CNBD1: variants seen among roughly 807,000 people sequenced by gnomAD.
CNBD1 encodes the protein cyclic nucleotide-binding domain-containing protein 1.
In CNBD1, 71 loss-of-function variants were observed where a neutral mutation model predicts 54.4. The observed-to-expected ratio is 1.30, with a 90% CI of 1.08 to 1.59. The LOEUF is 1.59. CNBD1 is among the 40% of genes most tolerant of loss of function. The pLI is 0.00. For synonymous variants in CNBD1, 182 were observed against 170.7 expected, an observed-to-expected ratio of 1.07 and a Z score of -0.51; for missense variants, 659 against 518.0, an observed-to-expected ratio of 1.27 and a Z score of -2.64.
At position 87,358,929 on chromosome 8, in the gene CNBD1, G is replaced by A. The variant is rs2130934711; in HGVS notation, c.1303+5143G>A. On this transcript the variant is annotated intron_variant, in intron 10 of 10. Transcript: ENST00000518476. Reference sequence around the variant, plus strand: ...TCCTCTGCCTTTTTAATCTATTCAGGCCCGCAATGGATTAGGTGTTATCTG... The same window carrying A: ...TCCTCTGCCTTTTTAATCTATTCAGACCCGCAATGGATTAGGTGTTATCTG... Among the ~76,000 whole-genome samples, 2 of 152,224 alleles carry A rather than the reference G, an allele frequency of 1.3e-5. 1 individual carries two copies. The highest frequency in any genetic ancestry group is 3.9e-4 in the East Asian group (2 of 5,170).
At chr8:87,157,398 G>C (rs1812763311) in intron 4 of CNBD1, among the ~76,000 whole-genome samples, 1 of 152,168 alleles carries the variant, frequency 6.6e-6, no homozygotes, top group Non-Finnish European at 1.5e-5. Flanking sequence ...ATGTAGAATT[G>C]CAGAATGCAG....
chr8:87,219,850 C>T (rs1814290929), intron 5 of CNBD1, among the ~76,000 whole-genome samples: 1 of 151,844 alleles, frequency 6.6e-6, no homozygotes. Context: ...ATTTTGGGTA[C>T]CCTTCACATA....
At chr8:87,374,400 A>T (rs1276370406) in intron 10 of CNBD1, among the ~76,000 whole-genome samples, 1 of 151,888 alleles carries the variant, frequency 6.6e-6, no homozygotes, top group East Asian at 1.9e-4. Flanking sequence ...AATGATAAAA[A>T]ATACCACATT....
intron 10 of CNBD1, among the ~76,000 whole-genome samples, chr8:87,377,743 G>A (rs1438674613): frequency 1.4e-5 from 2 of 140,612 alleles, no homozygotes; most frequent in Non-Finnish European, 3.1e-5. Flanking sequence ...CTTCCACAAT[G>A]GTTGAACTAG....
intron 4 of CNBD1, among the ~76,000 whole-genome samples, chr8:87,042,050 A>G (rs1424685707): frequency 6.6e-6 from 1 of 152,190 alleles, no homozygotes; most frequent in Admixed American, 6.5e-5. Flanking sequence ...GTGGGTGGAG[A>G]GGATTTGCTA....
intron 2 of CNBD1, among the ~76,000 whole-genome samples, chr8:87,399,585 A>G (rs988504439): frequency 6.6e-6 from 1 of 152,058 alleles, no homozygotes; most frequent in Non-Finnish European, 1.5e-5. Context: ...TAATGCCAAA[A>G]GTTCAATCAA....
At chr8:87,368,157 A>G (rs1395035841) in intron 10 of CNBD1, among the ~76,000 whole-genome samples, 1 of 135,464 alleles carries the variant, frequency 7.4e-6, no homozygotes, top group East Asian at 2.0e-4. Flanking sequence ...GCGAGATTCC[A>G]TCTAAAAAGA....
chr8:87,015,644 A>G (rs903146365), intron 4 of CNBD1, among the ~76,000 whole-genome samples: 3 of 151,504 alleles, frequency 2.0e-5, no homozygotes, highest in South Asian at 2.1e-4. Flanking sequence ...TGTAACTTTT[A>G]CTAATCTAAG....
At chr8:87,013,260 A>G (rs1393781679) in intron 4 of CNBD1, among the ~76,000 whole-genome samples, 1 of 152,206 alleles carries the variant, frequency 6.6e-6, no homozygotes, top group Non-Finnish European at 1.5e-5. Context: ...TTGTTGTTAA[A>G]GGATCCTAAT....
chr8:86,951,872 G>A (rs1487670480), intron 4 of CNBD1, among the ~76,000 whole-genome samples: 1 of 151,814 alleles, frequency 6.6e-6, no homozygotes, highest in African/African-American at 2.4e-5. Context: ...AAGTACTTAG[G>A]GCAAACCTGC....
chr8:87,090,085 T>C (rs920676085), intron 4 of CNBD1, among the ~76,000 whole-genome samples: 9 of 152,200 alleles, frequency 5.9e-5, no homozygotes, highest in African/African-American at 2.2e-4. Context: ...GTAATGTTTC[T>C]ATTTCACTTA....
At chr8:87,353,834 G>T in intron 10 of CNBD1, 48 bp downstream of exon 10, 1 of 1,455,368 alleles carries the variant, frequency 6.9e-7, no homozygotes. Flanking sequence ...TATTGGATGA[G>T]TTCTTAAATT....
chr8:87,327,612 C>G (rs1809709889), intron 8 of CNBD1, among the ~76,000 whole-genome samples: 1 of 152,224 alleles, frequency 6.6e-6, no homozygotes, highest in South Asian at 2.1e-4. Flanking sequence ...AGGGAACTCC[C>G]TGACCCCTTG....
chr8:86,894,103 G>A (rs1187067615), intron 2 of CNBD1, among the ~76,000 whole-genome samples: 6 of 113,640 alleles, frequency 5.3e-5, no homozygotes, highest in South Asian at 3.2e-4. Flanking sequence ...CGCCCAGGCC[G>A]GACTGCGGAC....
At chr8:86,956,227 A>C (rs376687228) in intron 4 of CNBD1, among the ~76,000 whole-genome samples, 5,546 of 152,184 alleles carry the variant, frequency 0.036, 120 homozygotes, top group Non-Finnish European at 0.044. Context: ...TGTTTTGGTT[A>C]CTGTAGCCTT....
chr8:87,102,138 C>T (rs915785685), intron 4 of CNBD1, among the ~76,000 whole-genome samples: 2 of 152,016 alleles, frequency 1.3e-5, no homozygotes, highest in Admixed American at 6.6e-5. Flanking sequence ...CTGCCCGCCT[C>T]GGCCTCCCAA....
intron 8 of CNBD1, among the ~76,000 whole-genome samples, chr8:87,339,428 T>C (rs1810019929): frequency 6.6e-6 from 1 of 152,116 alleles, no homozygotes; most frequent in African/African-American, 2.4e-5. Context: ...CTGTTAAGTT[T>C]TGATTGTCTG....
chr8:87,260,684 A>C (rs914015529), intron 6 of CNBD1, among the ~76,000 whole-genome samples: 1 of 152,100 alleles, frequency 6.6e-6, no homozygotes, highest in Non-Finnish European at 1.5e-5. Flanking sequence ...CTAGTGACCC[A>C]GCTCACCATA....
At chr8:87,263,066 C>T (rs905976427) in intron 6 of CNBD1, among the ~76,000 whole-genome samples, 3 of 152,028 alleles carry the variant, frequency 2.0e-5, no homozygotes, top group Admixed American at 2.0e-4. Context: ...GTTAGTGGAG[C>T]TCCTTTTATA....
Sources: gnomAD v4.1 joint callset for allele counts (sites outside exome capture counted in the v4.1 genomes callset) on GRCh38, gnomAD v4.1.1 for gene constraint, MANE v1.5 for transcripts, NCBI Gene and HGNC (gene_info 2026-07-23, HGNC 2026-07-21) for gene names.